RANBP2: variants seen among roughly 807,000 people sequenced by gnomAD.
The protein encoded by RANBP2 is E3 SUMO-protein ligase RanBP2.
Under a neutral mutation model 303.6 loss-of-function variants are expected in RANBP2, and 57 were observed. The observed-to-expected ratio is 0.19, with a 90% CI of 0.15 to 0.23. The LOEUF (loss-of-function observed/expected upper bound fraction) is 0.23, where lower values mean the gene tolerates loss of function less well. Among genes scored for constraint, RANBP2 ranks in the 10% least tolerant of loss-of-function variants. The pLI, the probability that RANBP2 is intolerant of heterozygous loss-of-function variation, is 1.00. For missense variants in RANBP2, 3,138 were observed against 3,780.8 expected (o/e 0.83, Z 4.46); for synonymous variants, 1,167 against 1,301.5 (o/e 0.90, Z 2.23).
the RANBP2 span, among the ~76,000 whole-genome samples, chr2:109,704,468 G>A: frequency 6.6e-6 from 1 of 151,900 alleles, no homozygotes; most frequent in Non-Finnish European, 1.5e-5. Flanking sequence ...GGAGGTTGAG[G>A]CTGCAGTGAG....
At chr2:109,369,934 C>T in the RANBP2 span, among the ~76,000 whole-genome samples, 2,780 of 152,316 alleles carry the variant, frequency 0.018, 81 homozygotes, top group African/African-American at 0.058. Flanking sequence ...CTTGGAAAGG[C>T]GGGTGGTGCA....
the RANBP2 span, chr2:109,614,904 C>T: frequency 6.9e-7 from 1 of 1,445,722 alleles, no homozygotes; most frequent in Non-Finnish European, 9.0e-7. Context: ...CGAGGGAGAG[C>T]CCCCCGCCCC....
Position 108,772,579 on chromosome 2 carries a change from C to A in RANBP2, c.8111C>A (p.Ala2704Glu). 2 of 1,611,814 alleles carry A rather than the reference C, an allele frequency of 1.2e-6. No individual in the cohort carries two copies. The highest frequency in any genetic ancestry group is 1.7e-6 in the Non-Finnish European group (2 of 1,178,058). The change falls in exon 22 of 29, where the codon GCA becomes GAA. Residue 2704 changes from alanine (A) to glutamate (E), a missense_variant and splice_region_variant. Physicochemically the swap from Ala to Glu is moderately radical, Grantham distance 107 (BLOSUM62 -1). This residue lies in a region of RANBP2 where 497 missense variants were observed against 465.8 expected (regional missense o/e 1.07). Transcript: ENST00000283195. The stretch of plus-strand genomic sequence containing the variant: ...TGTAGACCCTTGGAAGAAAATACAG[C>A]AGGTATGTTAAGTGTAAAGGACATT... ...EKCRPLEENT[A>E]DNEKECIIVW...
At chr2:109,422,299 A>G in the RANBP2 span, among the ~76,000 whole-genome samples, 2 of 152,212 alleles carry the variant, frequency 1.3e-5, no homozygotes, top group East Asian at 3.9e-4. Context: ...CAGCCATGGA[A>G]TGACTTCAGG....
the RANBP2 span, among the ~76,000 whole-genome samples, chr2:109,041,242 T>C: frequency 1.3e-5 from 2 of 152,212 alleles, no homozygotes; most frequent in Admixed American, 6.5e-5. Flanking sequence ...TTTCTACTTA[T>C]ACGAGTATAG....
chr2:109,098,965 T>C, the RANBP2 span, among the ~76,000 whole-genome samples: 3,273 of 152,314 alleles, frequency 0.021, 125 homozygotes, highest in African/African-American at 0.075. Flanking sequence ...ATGAGGTTCA[T>C]ACATTTGGAA....
the RANBP2 span, among the ~76,000 whole-genome samples, chr2:108,861,095 T>C: frequency 6.6e-6 from 1 of 151,748 alleles, no homozygotes; most frequent in East Asian, 1.9e-4. Context: ...CTAGATTTTC[T>C]AGTTTGTGTG....
At chr2:109,651,448 A>G in the RANBP2 span, among the ~76,000 whole-genome samples, 1 of 152,192 alleles carries the variant, frequency 6.6e-6, no homozygotes, top group Non-Finnish European at 1.5e-5. Flanking sequence ...TGACCATACA[A>G]GAGGAGAATG....
the RANBP2 span, among the ~76,000 whole-genome samples, chr2:109,417,384 G>A: frequency 6.6e-6 from 1 of 152,146 alleles, no homozygotes; most frequent in Non-Finnish European, 1.5e-5. Flanking sequence ...CCTCTTCCCT[G>A]TCTCCCTTCA....
chr2:109,317,539 G>A, the RANBP2 span, among the ~76,000 whole-genome samples: 3,037 of 152,210 alleles, frequency 0.02, 115 homozygotes, highest in African/African-American at 0.068. Context: ...TCTAGGTCTC[G>A]TTCTGCCGGG....
the RANBP2 span, among the ~76,000 whole-genome samples, chr2:108,939,986 C>A: frequency 6.6e-6 from 1 of 152,174 alleles, no homozygotes; most frequent in African/African-American, 2.4e-5. Flanking sequence ...ACAACAAAAG[C>A]AAAACAAGAA....
At chr2:109,377,737 C>T in the RANBP2 span, among the ~76,000 whole-genome samples, 1 of 152,186 alleles carries the variant, frequency 6.6e-6, no homozygotes, top group Non-Finnish European at 1.5e-5. Flanking sequence ...TAGCGTGCCT[C>T]ATCAGACCAC....
chr2:109,595,686 G>A, the RANBP2 span, among the ~76,000 whole-genome samples: 2 of 152,176 alleles, frequency 1.3e-5, no homozygotes, highest in Non-Finnish European at 2.9e-5. Context: ...GCAGAATTTC[G>A]TACTTGGAGA....
At chr2:109,515,388 A>T in the RANBP2 span, among the ~76,000 whole-genome samples, 9 of 151,908 alleles carry the variant, frequency 5.9e-5, no homozygotes, top group Non-Finnish European at 1.2e-4. Context: ...TCCGTGGGGG[A>T]TGTGGAATGT....
chr2:109,452,093 C>T, the RANBP2 span, among the ~76,000 whole-genome samples: 1 of 152,230 alleles, frequency 6.6e-6, no homozygotes, highest in Non-Finnish European at 1.5e-5. Flanking sequence ...ATCTGTGTTC[C>T]CACTTGAATT....
the RANBP2 span, among the ~76,000 whole-genome samples, chr2:109,595,380 T>C: frequency 0.042 from 6,416 of 152,272 alleles, 449 homozygotes; most frequent in African/African-American, 0.15. Context: ...AATACCTGGC[T>C]TCAGGCTTTA....
At chr2:109,474,969 T>TG in the RANBP2 span, among the ~76,000 whole-genome samples, 2 of 151,930 alleles carry the variant, frequency 1.3e-5, no homozygotes, top group African/African-American at 4.8e-5. Context: ...TTTGGGTTTT[T>TG]TTTGTTTGTT....
chr2:109,569,447 A>G, the RANBP2 span, among the ~76,000 whole-genome samples: 4 of 151,938 alleles, frequency 2.6e-5, no homozygotes, highest in Admixed American at 6.6e-5. Flanking sequence ...TAAAAAAAAA[A>G]AAAAAAAAGG....
At chr2:109,717,645 G>T in the RANBP2 span, among the ~76,000 whole-genome samples, 16 of 151,552 alleles carry the variant, frequency 1.1e-4, no homozygotes, top group African/African-American at 3.9e-4. Flanking sequence ...CAGGCACAGT[G>T]GCTCACACCT....
Sources: gnomAD v4.1 joint callset for allele counts (sites outside exome capture counted in the v4.1 genomes callset) on GRCh38, gnomAD v4.1.1 for gene constraint, gnomAD v4.1.1 regional missense constraint, MANE v1.5 for transcripts, NCBI Gene and HGNC (gene_info 2026-07-23, HGNC 2026-07-21) for gene names.